The following PRKCB variants were observed in gnomAD, a reference collection of about 807,000 sequenced individuals.
The protein encoded by PRKCB is protein kinase C beta, also known as protein kinase C beta type.
Under a neutral mutation model 81.5 loss-of-function variants are expected in PRKCB, and 13 were observed. The observed-to-expected ratio is 0.16, with a 90% CI of 0.10 to 0.25. The LOEUF is 0.25. PRKCB is among the 10% of genes least tolerant of loss of function. PRKCB has a pLI of 1.00. For synonymous variants in PRKCB, 335 were observed against 321.4 expected, an observed-to-expected ratio of 1.04 and a Z score of -0.45; for missense variants, 509 against 875.7, an observed-to-expected ratio of 0.58 and a Z score of 5.29.
chr16:24,089,778 C>T, intron 5 of PRKCB, among the ~76,000 whole-genome samples: 1 of 150,252 alleles, frequency 6.7e-6, no homozygotes, highest in East Asian at 1.9e-4. Flanking sequence ...TTGTCTCTCT[C>T]TCTCTCTCTC....
intron 16 of PRKCB, among the ~76,000 whole-genome samples, chr16:24,198,734 T>C (rs1463935775): frequency 1.3e-5 from 2 of 152,158 alleles, no homozygotes; most frequent in African/African-American, 4.8e-5. Context: ...AATCAGATCA[T>C]CAATTGTTCT....
chr16:23,871,664 G>A (rs1243999600), intron 2 of PRKCB, among the ~76,000 whole-genome samples: 1 of 151,922 alleles, frequency 6.6e-6, no homozygotes, highest in African/African-American at 2.4e-5. Flanking sequence ...TGCAACCTGT[G>A]CCTCCTGGGT....
At chr16:24,054,830 C>T (rs1453984406) in intron 5 of PRKCB, among the ~76,000 whole-genome samples, 1 of 152,218 alleles carries the variant, frequency 6.6e-6, no homozygotes, top group Non-Finnish European at 1.5e-5. Context: ...TCTGTCTGGC[C>T]TTGTGCATGA....
chr16:24,216,867 C>T lies in PRKCB; in HGVS notation c.*2051C>T, dbSNP rs1048003047. 16 of 985,374 alleles carry T rather than the reference C, an allele frequency of 1.6e-5. No homozygotes were observed. The highest frequency in any genetic ancestry group is 3.6e-6 in the Non-Finnish European group (3 of 829,970). The allele number at this position is 985,374 out of a possible 1,614,324, so 61.0% of individuals were successfully genotyped here. A position where few individuals can be genotyped will look rare whatever the true frequency, so the allele number is the denominator to read the frequency against. On this transcript the variant is annotated 3_prime_UTR_variant, in exon 17 of 17. Coordinates refer to ENST00000643927, the MANE Select transcript of PRKCB (RefSeq NM_002738.7). The stretch of plus-strand genomic sequence containing the variant: ...AAAGTCAGTCAGCTGGGATAAAAAC[C>T]TGGGTGTCCTGTCCAGAAAGTGCAG...
At chr16:24,159,178 A>G (rs529237520) in intron 10 of PRKCB, among the ~76,000 whole-genome samples, 1 of 152,352 alleles carries the variant, frequency 6.6e-6, no homozygotes, top group Non-Finnish European at 1.5e-5. Flanking sequence ...TCTACCATGC[A>G]TGGGTCTTCA....
At position 24,215,940 on chromosome 16, in the gene PRKCB, C is replaced by T. The variant is rs1402636284; in HGVS notation, c.*1124C>T. The stretch of plus-strand genomic sequence containing the variant: ...TGTTTGTGGAAATGTTCATTTGTAT[C>T]TGGATCTCTGTTATGTGCCATTTTT... On this transcript the variant is annotated 3_prime_UTR_variant, in exon 17 of 17. Coordinates refer to ENST00000643927, the MANE Select transcript of PRKCB (RefSeq NM_002738.7). 1.0e-6 allele frequency: 1 copy of T among 983,562 alleles called. No homozygotes were observed. Among genetic ancestry groups the T allele is most frequent in the Non-Finnish European group, 1.2e-6 (1 of 829,638 alleles). The allele number at this position is 983,562 out of a possible 1,614,324, so 60.9% of individuals were successfully genotyped here. A position where few individuals can be genotyped will look rare whatever the true frequency, so the allele number is the denominator to read the frequency against.
At chr16:24,132,073 C>T (rs992001140) in intron 9 of PRKCB, among the ~76,000 whole-genome samples, 5 of 152,172 alleles carry the variant, frequency 3.3e-5, no homozygotes, top group Non-Finnish European at 7.3e-5. Flanking sequence ...CCCTCCTTTA[C>T]TCACTAAATA....
At chr16:23,974,272 G>A (rs1029786248) in intron 2 of PRKCB, among the ~76,000 whole-genome samples, 1 of 152,168 alleles carries the variant, frequency 6.6e-6, no homozygotes, top group African/African-American at 2.4e-5. Flanking sequence ...TGGTGCTGAG[G>A]AGACAGGTGG....
intron 5 of PRKCB, among the ~76,000 whole-genome samples, chr16:24,039,553 C>G (rs1379453577): frequency 6.6e-6 from 1 of 152,206 alleles, no homozygotes; most frequent in Non-Finnish European, 1.5e-5. Context: ...TTAAGCCACC[C>G]AGTCCATGGT....
chr16:24,190,358 G>T (rs1019334262), intron 15 of PRKCB, among the ~76,000 whole-genome samples: 23 of 152,130 alleles, frequency 1.5e-4, no homozygotes, highest in Non-Finnish European at 3.1e-4. Context: ...TCAAACTCCA[G>T]TTTTCTTGTT....
intron 3 of PRKCB, among the ~76,000 whole-genome samples, chr16:24,012,551 A>G (rs1351673501): frequency 6.6e-6 from 1 of 152,190 alleles, no homozygotes; most frequent in East Asian, 1.9e-4. Flanking sequence ...CTAAAAACCA[A>G]ATGTGATCAT....
chr16:24,028,382 C>T (rs1965510285), intron 3 of PRKCB, among the ~76,000 whole-genome samples: 1 of 152,236 alleles, frequency 6.6e-6, no homozygotes, highest in African/African-American at 2.4e-5. Context: ...AGCCACTGCT[C>T]CAGGCCACAA....
In PRKCB at chr16:24,186,000, C is replaced by T. The variant is rs533599682; in HGVS notation, c.1722+433C>T. ...CGTGCAACTTTTGTTCTAAAAAATACCACGCCGTGTTGAGGTTAAGGAATT... is the reference window on the plus strand; with the variant it reads ...CGTGCAACTTTTGTTCTAAAAAATATCACGCCGTGTTGAGGTTAAGGAATT... On this transcript the variant is annotated intron_variant, in intron 15 of 16. Transcript: ENST00000643927. Among the ~76,000 whole-genome samples the T allele has an allele frequency of 3.9e-5, 6 of 152,128 alleles. 1 individual carries two copies. Among genetic ancestry groups the T allele is most frequent in the South Asian group, 4.1e-4 (2 of 4,826 alleles).
intron 8 of PRKCB, among the ~76,000 whole-genome samples, chr16:24,118,128 G>A (rs1274399485): frequency 6.6e-6 from 1 of 152,256 alleles, no homozygotes; most frequent in Non-Finnish European, 1.5e-5. Context: ...GTGATTGCTT[G>A]AGAGCCAGAC....
chr16:23,948,021 A>G (rs1964227642), intron 2 of PRKCB, among the ~76,000 whole-genome samples: 1 of 152,032 alleles, frequency 6.6e-6, no homozygotes, highest in South Asian at 2.1e-4. Context: ...GGATCTGTCA[A>G]TCAGGTGAGT....
At chr16:23,961,839 T>G (rs577638950) in intron 2 of PRKCB, among the ~76,000 whole-genome samples, 2 of 152,296 alleles carry the variant, frequency 1.3e-5, no homozygotes, top group Non-Finnish European at 2.9e-5. Flanking sequence ...GTTTTGGGTT[T>G]TGGAGCATTT....
chr16:24,084,450 A>T (rs1966288666), intron 5 of PRKCB, among the ~76,000 whole-genome samples: 1 of 152,146 alleles, frequency 6.6e-6, no homozygotes, highest in Admixed American at 6.6e-5. Context: ...GGCTTTAAAA[A>T]CACACTTTGT....
At chr16:24,174,739 G>A in intron 12 of PRKCB, 159 bp downstream of exon 12, 1 of 645,110 alleles carries the variant, frequency 1.6e-6, no homozygotes, top group Non-Finnish European at 2.6e-6. Flanking sequence ...ATCGCCCACT[G>A]CCCTGGCAAA....
intron 6 of PRKCB, 58 bp from the exon 7 acceptor site, chr16:24,094,105 A>T (rs1966410091): frequency 6.4e-7 from 1 of 1,571,980 alleles, no homozygotes. Context: ...TTGTACATTT[A>T]TTCTGCTTGA....
Sources: allele counts gnomAD v4.1 joint callset (sites outside exome capture counted in the v4.1 genomes callset), GRCh38; gene constraint gnomAD v4.1.1; transcripts MANE v1.5; gene names NCBI Gene and HGNC (gene_info 2026-07-23, HGNC 2026-07-21).